CTNNA3: variants seen among roughly 807,000 people sequenced by gnomAD.
CTNNA3 encodes catenin alpha 3, also known as catenin alpha-3.
In CTNNA3, 76 loss-of-function variants were observed where a neutral mutation model predicts 95.7. The ratio of observed to expected loss-of-function variants is 0.79; its 90% CI spans 0.66 to 0.96. CTNNA3 has a LOEUF of 0.96. Among genes scored for constraint, CTNNA3 ranks in the 40% least tolerant of loss-of-function variants. The pLI, the probability that CTNNA3 is intolerant of heterozygous loss-of-function variation, is 0.00. For missense variants in CTNNA3, 1,191 were observed against 1,089.8 expected (o/e 1.09, Z -1.31); for synonymous variants, 431 against 374.4 (o/e 1.15, Z -1.74).
At chr10:67,678,160 G>C (rs1408452120) in intron 1 of CTNNA3, among the ~76,000 whole-genome samples, 2 of 151,900 alleles carry the variant, frequency 1.3e-5, no homozygotes, top group Non-Finnish European at 2.9e-5. Flanking sequence ...ACATAAAAGA[G>C]GAAGACACTT....
chr10:67,558,961 G>C (rs981638459), intron 3 of CTNNA3, among the ~76,000 whole-genome samples: 2 of 152,210 alleles, frequency 1.3e-5, no homozygotes, highest in African/African-American at 4.8e-5. Context: ...GCCCAGGCTT[G>C]CTTAGGTAAA....
chr10:66,319,371 A>G (rs1396551429), intron 12 of CTNNA3, among the ~76,000 whole-genome samples: 2 of 151,928 alleles, frequency 1.3e-5, no homozygotes, highest in Non-Finnish European at 2.9e-5. Flanking sequence ...ATGCCCAGTT[A>G]AAATCTACAC....
intron 13 of CTNNA3, among the ~76,000 whole-genome samples, chr10:66,110,897 C>T (rs2082098409): frequency 6.6e-6 from 1 of 152,148 alleles, no homozygotes; most frequent in African/African-American, 2.4e-5. Context: ...TAACCCATTG[C>T]TCCTAGGCTA....
chr10:65,998,749 C>T (rs1177216743), intron 15 of CTNNA3, among the ~76,000 whole-genome samples: 2 of 152,100 alleles, frequency 1.3e-5, no homozygotes, highest in East Asian at 1.9e-4. Context: ...AGAATAGACA[C>T]CCTAATATTA....
At chr10:67,200,947 TG>T (rs1189229137) in intron 6 of CTNNA3, among the ~76,000 whole-genome samples, 3 of 152,224 alleles carry the variant, frequency 2.0e-5, no homozygotes, top group African/African-American at 7.2e-5. Context: ...TGTTTCCTCC[TG>T]TTTTTTCATC....
intron 5 of CTNNA3, among the ~76,000 whole-genome samples, chr10:67,444,703 T>TA (rs71006150): frequency 0.73 from 110,708 of 151,804 alleles, 43,301 homozygotes; most frequent in Non-Finnish European, 0.87. Flanking sequence ...AATCAGAGAT[T>TA]AAAAAAGAGA....
At chr10:67,685,290 G>A (rs1477090038) in intron 1 of CTNNA3, among the ~76,000 whole-genome samples, 1 of 152,128 alleles carries the variant, frequency 6.6e-6, no homozygotes, top group Non-Finnish European at 1.5e-5. Flanking sequence ...TGGTATAGAT[G>A]GCTCCTTCCT....
chr10:67,114,942 T>C (rs1859096729), intron 7 of CTNNA3, among the ~76,000 whole-genome samples: 1 of 151,618 alleles, frequency 6.6e-6, no homozygotes, highest in Non-Finnish European at 1.5e-5. Flanking sequence ...CCAGGAAGAG[T>C]GTGGGAAAAT....
intron 6 of CTNNA3, among the ~76,000 whole-genome samples, chr10:67,216,027 G>A (rs757734526): frequency 6.6e-6 from 1 of 151,950 alleles, no homozygotes; most frequent in Non-Finnish European, 1.5e-5. Context: ...AGTTCTTATA[G>A]TTCACTATAT....
chr10:67,518,462 C>T (rs865985822), intron 5 of CTNNA3, among the ~76,000 whole-genome samples: 7 of 152,066 alleles, frequency 4.6e-5, no homozygotes, highest in East Asian at 1.9e-4. Flanking sequence ...GAATCAGATA[C>T]GTGATGTGTT....
chr10:67,756,133 T>C (rs1332286544), intron 1 of CTNNA3, among the ~76,000 whole-genome samples: 1 of 151,774 alleles, frequency 6.6e-6, no homozygotes, highest in Non-Finnish European at 1.5e-5. Flanking sequence ...AGATAGAGAG[T>C]AGACTGGTGG....
chr10:66,497,822 T>C (rs1354488862), intron 11 of CTNNA3, among the ~76,000 whole-genome samples: 1 of 152,118 alleles, frequency 6.6e-6, no homozygotes, highest in Non-Finnish European at 1.5e-5. Context: ...TTTGTATTTA[T>C]GGACATTTTT....
intron 9 of CTNNA3, among the ~76,000 whole-genome samples, chr10:66,740,759 A>G (rs1849301551): frequency 6.6e-6 from 1 of 152,244 alleles, no homozygotes; most frequent in Non-Finnish European, 1.5e-5. Context: ...GAAGATAAGT[A>G]TGATTAAATT....
intron 9 of CTNNA3, among the ~76,000 whole-genome samples, chr10:66,698,811 CA>C (rs1356669845): frequency 4.6e-5 from 7 of 152,006 alleles, no homozygotes; most frequent in African/African-American, 7.2e-5. Context: ...AGAAAAAGCA[CA>C]AGAGATGAAA....
intron 10 of CTNNA3, among the ~76,000 whole-genome samples, chr10:66,536,609 G>A (rs1320290711): frequency 6.6e-6 from 1 of 151,882 alleles, no homozygotes; most frequent in Non-Finnish European, 1.5e-5. Flanking sequence ...ATCAAATACT[G>A]AAGACTAGTC....
chr10:66,041,363 G>T (rs975201086), intron 15 of CTNNA3, among the ~76,000 whole-genome samples: 1 of 152,106 alleles, frequency 6.6e-6, no homozygotes, highest in Non-Finnish European at 1.5e-5. Flanking sequence ...TTCCAATTAG[G>T]CCTGTTTAAT....
chr10:65,964,057 A>G (rs750601474), intron 17 of CTNNA3, among the ~76,000 whole-genome samples: 1 of 152,170 alleles, frequency 6.6e-6, no homozygotes, highest in Non-Finnish European at 1.5e-5. Flanking sequence ...TAAACTTTGA[A>G]TAGTCTGTAG....
chr10:67,197,711 T>C (rs78177522), intron 6 of CTNNA3, among the ~76,000 whole-genome samples: 1 of 152,094 alleles, frequency 6.6e-6, no homozygotes, highest in Non-Finnish European at 1.5e-5. Flanking sequence ...GTTCTTGGTA[T>C]GAAAAGAGTT....
chr10:66,709,592 A>T (rs1286742993), intron 9 of CTNNA3, among the ~76,000 whole-genome samples: 1 of 152,116 alleles, frequency 6.6e-6, no homozygotes, highest in Non-Finnish European at 1.5e-5. Flanking sequence ...TTAAACAAAA[A>T]TATTTATTCC....
Sources: allele counts gnomAD v4.1 joint callset (sites outside exome capture counted in the v4.1 genomes callset), GRCh38; gene constraint gnomAD v4.1.1; transcripts MANE v1.5; gene names NCBI Gene and HGNC (gene_info 2026-07-23, HGNC 2026-07-21).